CAB39: variants seen among roughly 807,000 people sequenced by gnomAD.
CAB39 encodes the protein calcium binding protein 39.
In CAB39, 8 loss-of-function variants were observed where a neutral mutation model predicts 40.0. The observed-to-expected ratio is 0.20, with a 90% CI of 0.12 to 0.36. The LOEUF (loss-of-function observed/expected upper bound fraction) is 0.36, where lower values mean the gene tolerates loss of function less well. Ranked by LOEUF, CAB39 falls within the 10% of genes least tolerant of loss-of-function variation. The pLI is 1.00. For missense variants in CAB39, 270 were observed against 401.1 expected (o/e 0.67, Z 2.79); for synonymous variants, 156 against 141.6 (o/e 1.10, Z -0.72).
chr2:230,777,115 C>A (rs1376177277), intron 2 of CAB39, among the ~76,000 whole-genome samples: 1 of 150,708 alleles, frequency 6.6e-6, no homozygotes, highest in Non-Finnish European at 1.5e-5. Context: ...TAATTTATTT[C>A]TGTATCTATA....
intron 6 of CAB39, among the ~76,000 whole-genome samples, chr2:230,811,470 A>G (rs1006649225): frequency 1.8e-4 from 27 of 152,152 alleles, no homozygotes; most frequent in South Asian, 2.1e-4. Flanking sequence ...CGTTTCTTGT[A>G]TGTTCATTGC....
At chr2:230,773,314 ATGTGTGTGTGTG>A (rs71052549) in intron 2 of CAB39, among the ~76,000 whole-genome samples, 6 of 132,632 alleles carry the variant, frequency 4.5e-5, no homozygotes, top group Admixed American at 1.5e-4. Context: ...ATATATATAT[ATGTGTGTGTGTG>A]TGTGTGTGTG....
At chr2:230,742,208 T>C (rs557137144) in intron 1 of CAB39, among the ~76,000 whole-genome samples, 86 of 152,292 alleles carry the variant, frequency 5.6e-4, no homozygotes, top group African/African-American at 2.0e-3. Context: ...GGAGTCTTGC[T>C]CTGTCGCCCA....
At chr2:230,809,542 G>T (rs1440304491) in intron 5 of CAB39, among the ~76,000 whole-genome samples, 1 of 152,046 alleles carries the variant, frequency 6.6e-6, no homozygotes, top group East Asian at 1.9e-4. Flanking sequence ...TTGAAGGCAG[G>T]GATCATATCT....
intron 3 of CAB39, among the ~76,000 whole-genome samples, chr2:230,791,536 A>G (rs1278114372): frequency 6.6e-6 from 1 of 152,228 alleles, no homozygotes; most frequent in Non-Finnish European, 1.5e-5. Context: ...AAATTAGTGT[A>G]ACATTTAAGT....
At chr2:230,804,901 A>G (rs1696162598) in intron 5 of CAB39, among the ~76,000 whole-genome samples, 1 of 152,234 alleles carries the variant, frequency 6.6e-6, no homozygotes, top group Non-Finnish European at 1.5e-5. Flanking sequence ...TACTGGGTAT[A>G]TCCCCAAAGG....
intron 8 of CAB39, 98 bp downstream of exon 8, chr2:230,817,995 A>G (rs1696433556): frequency 2.8e-6 from 3 of 1,077,764 alleles, no homozygotes; most frequent in Non-Finnish European, 4.1e-6. Flanking sequence ...CTGGTAATCC[A>G]GGTGACTTAA....
At chr2:230,754,337 T>G (rs1695144715) in intron 1 of CAB39, among the ~76,000 whole-genome samples, 3 of 88,406 alleles carry the variant, frequency 3.4e-5, no homozygotes, top group African/African-American at 3.1e-4. Flanking sequence ...TTCTTCTTCC[T>G]TCCTCTTCTT....
intron 1 of CAB39, among the ~76,000 whole-genome samples, chr2:230,759,021 T>C (rs539403564): frequency 5.0e-4 from 76 of 152,332 alleles, no homozygotes; most frequent in South Asian, 4.6e-3. Context: ...TGTAATACTG[T>C]GGTTTATGTG....
intron 2 of CAB39, among the ~76,000 whole-genome samples, chr2:230,778,194 T>C (rs557421140): frequency 1.3e-5 from 2 of 152,328 alleles, no homozygotes; most frequent in East Asian, 3.9e-4. Context: ...CTACTAAAAA[T>C]TGGGGACAGT....
intron 5 of CAB39, among the ~76,000 whole-genome samples, chr2:230,799,707 C>T (rs1696051956): frequency 6.6e-6 from 1 of 152,188 alleles, no homozygotes; most frequent in Admixed American, 6.5e-5. Flanking sequence ...TAAACCAATA[C>T]TTGCCAGGCG....
intron 5 of CAB39, among the ~76,000 whole-genome samples, chr2:230,803,428 A>G (rs1032444632): frequency 2.0e-5 from 3 of 152,342 alleles, no homozygotes; most frequent in Middle Eastern, 3.4e-3. Flanking sequence ...AGAGAAGGAA[A>G]TAAAGGGTAT....
chr2:230,755,066 C>T (rs1695167213), intron 1 of CAB39, among the ~76,000 whole-genome samples: 1 of 152,138 alleles, frequency 6.6e-6, no homozygotes, highest in Admixed American at 6.5e-5. Context: ...CATACATACA[C>T]ACACACACAC....
chr2:230,759,360 T>C (rs943092254), intron 1 of CAB39, among the ~76,000 whole-genome samples: 3 of 152,182 alleles, frequency 2.0e-5, no homozygotes, highest in Non-Finnish European at 1.5e-5. Flanking sequence ...GAGACCTAGA[T>C]AGTAGGCTGT....
At chr2:230,755,403 A>G (rs975391878) in intron 1 of CAB39, among the ~76,000 whole-genome samples, 1 of 151,840 alleles carries the variant, frequency 6.6e-6, no homozygotes, top group Non-Finnish European at 1.5e-5. Context: ...GATGCTGAGC[A>G]TTTTTTTCAT....
At chr2:230,798,425 G>A (rs555173191) in intron 4 of CAB39, among the ~76,000 whole-genome samples, 27 of 152,276 alleles carry the variant, frequency 1.8e-4, no homozygotes, top group African/African-American at 6.5e-4. Flanking sequence ...GGTATGACCC[G>A]AAATACTTCT....
At chr2:230,809,172 A>G (rs117483067) in intron 5 of CAB39, among the ~76,000 whole-genome samples, 10 of 152,274 alleles carry the variant, frequency 6.6e-5, no homozygotes, top group East Asian at 5.8e-4. Flanking sequence ...GTAGGTGACA[A>G]AAGAGCTCCC....
intron 1 of CAB39, among the ~76,000 whole-genome samples, chr2:230,742,393 T>C (rs1694895172): frequency 6.6e-6 from 1 of 152,102 alleles, no homozygotes; most frequent in South Asian, 2.1e-4. Flanking sequence ...GCCAGGATGG[T>C]CTCGATCTCC....
intron 7 of CAB39, among the ~76,000 whole-genome samples, chr2:230,816,286 A>C (rs1172053380): frequency 3.3e-5 from 5 of 152,218 alleles, no homozygotes; most frequent in Non-Finnish European, 7.3e-5. Context: ...ATAAAAAAAG[A>C]ATTACATATT....
Sources: gnomAD v4.1 joint callset for allele counts (sites outside exome capture counted in the v4.1 genomes callset) on GRCh38, gnomAD v4.1.1 for gene constraint, MANE v1.5 for transcripts, NCBI Gene and HGNC (gene_info 2026-07-23, HGNC 2026-07-21) for gene names.